The following NALF1 variants were observed in gnomAD, a reference collection of about 807,000 sequenced individuals.
The protein encoded by NALF1 is NALCN channel auxiliary factor 1, also known as family with sequence similarity 155 member A.
A neutral mutation model predicts 48.4 loss-of-function variants in NALF1; 3 were observed. The ratio of observed to expected loss-of-function variants is 0.06; its 90% CI spans 0.03 to 0.16. The LOEUF (loss-of-function observed/expected upper bound fraction) is 0.16. Among genes scored for constraint, NALF1 ranks in the 10% least tolerant of loss-of-function variants. NALF1 has a pLI of 1.00. For missense variants in NALF1, 526 were observed against 571.5 expected (o/e 0.92, Z 0.81); for synonymous variants, 262 against 245.7 (o/e 1.07, Z -0.62).
intron 1 of NALF1, among the ~76,000 whole-genome samples, chr13:107,267,974 T>C (rs1881076095): frequency 7.1e-6 from 1 of 140,940 alleles, no homozygotes; most frequent in Non-Finnish European, 1.5e-5. Flanking sequence ...GAATTGTTTT[T>C]TTCTGGAATT....
In NALF1 at chr13:107,704,191, C is replaced by T. The variant is rs80127079; in HGVS notation, c.915+161491G>A. Among the ~76,000 whole-genome samples the T allele has an allele frequency of 4.9e-3, 749 of 152,226 alleles. 6 individuals carry two copies. Among genetic ancestry groups the T allele is most frequent in the African/African-American group, 0.017 (714 of 41,546 alleles). ...AATTTTATTTTAGTGTACATTTGTGCGAGTTCCCCACTACCCTCTATTCAT... is the reference window on the plus strand; with the variant it reads ...AATTTTATTTTAGTGTACATTTGTGTGAGTTCCCCACTACCCTCTATTCAT... On this transcript the variant is annotated intron_variant, in intron 1 of 2. Transcript: ENST00000375915.
intron 1 of NALF1, among the ~76,000 whole-genome samples, chr13:107,576,538 T>C (rs9520497): frequency 0.39 from 59,463 of 152,078 alleles, 12,011 homozygotes; most frequent in South Asian, 0.53. Context: ...CATCAAAAAA[T>C]AGTTACCACT....
intron 1 of NALF1, among the ~76,000 whole-genome samples, chr13:107,691,393 T>TA (rs1206566667): frequency 6.6e-6 from 1 of 152,224 alleles, no homozygotes; most frequent in Non-Finnish European, 1.5e-5. Context: ...AGGAAACTGA[T>TA]AAAGTATCCC....
At chr13:107,295,961 G>A (rs888818808) in intron 1 of NALF1, among the ~76,000 whole-genome samples, 64 of 152,264 alleles carry the variant, frequency 4.2e-4, no homozygotes, top group African/African-American at 1.5e-3. Flanking sequence ...CCTTTAAAAT[G>A]CAAGAACTTA....
intron 1 of NALF1, among the ~76,000 whole-genome samples, chr13:107,343,644 T>C (rs1882722260): frequency 6.6e-6 from 1 of 152,122 alleles, no homozygotes; most frequent in South Asian, 2.1e-4. Flanking sequence ...TTCAGCAGCA[T>C]GAAAATGGAC....
At chr13:107,625,296 G>GAA (rs1238493397) in intron 1 of NALF1, among the ~76,000 whole-genome samples, 1 of 152,054 alleles carries the variant, frequency 6.6e-6, no homozygotes, top group African/African-American at 2.4e-5. Context: ...GGGGCTAAAC[G>GAA]AAAAGCACCT....
At chr13:107,712,828 G>A (rs1020525539) in intron 1 of NALF1, among the ~76,000 whole-genome samples, 18 of 152,194 alleles carry the variant, frequency 1.2e-4, no homozygotes, top group African/African-American at 4.3e-4. Context: ...CAGCTGCAGT[G>A]GTTTGATTCC....
At chr13:107,448,915 G>T (rs543510063) in intron 1 of NALF1, among the ~76,000 whole-genome samples, 1 of 152,176 alleles carries the variant, frequency 6.6e-6, no homozygotes, top group Non-Finnish European at 1.5e-5. Flanking sequence ...CAAATGCCAT[G>T]TAACTCTCCT....
chr13:107,516,781 G>C (rs931208779), intron 1 of NALF1, among the ~76,000 whole-genome samples: 2 of 152,100 alleles, frequency 1.3e-5, no homozygotes, highest in South Asian at 4.2e-4. Context: ...TGAATGTCTC[G>C]TGAGGGATTT....
intron 1 of NALF1, among the ~76,000 whole-genome samples, chr13:107,815,606 T>G (rs929033420): frequency 6.6e-6 from 1 of 152,124 alleles, no homozygotes; most frequent in African/African-American, 2.4e-5. Context: ...AGTCAGAGTT[T>G]CCATTTGACT....
chr13:107,645,394 G>C (rs1240339353), intron 1 of NALF1, among the ~76,000 whole-genome samples: 1 of 152,088 alleles, frequency 6.6e-6, no homozygotes, highest in African/African-American at 2.4e-5. Flanking sequence ...TTCATCCCCA[G>C]AATCTGTGAA....
chr13:107,283,068 C>T (rs921779741), intron 1 of NALF1, among the ~76,000 whole-genome samples: 1 of 152,050 alleles, frequency 6.6e-6, no homozygotes, highest in Non-Finnish European at 1.5e-5. Context: ...CGGACGGGAG[C>T]CCTAAGGAGT....
At chr13:107,714,604 G>A (rs1875694513) in intron 1 of NALF1, among the ~76,000 whole-genome samples, 2 of 135,330 alleles carry the variant, frequency 1.5e-5, no homozygotes, top group South Asian at 2.3e-4. Context: ...ACTCTAGCCT[G>A]GGTGACAGAG....
chr13:107,866,777 C>G lies in NALF1; in HGVS notation c.-181G>C. The G allele has an allele frequency of 1.7e-6, 1 of 599,168 alleles. No homozygotes were observed. Among genetic ancestry groups the G allele is most frequent in the East Asian group, 2.8e-5 (1 of 35,738 alleles). 37.1% of individuals were successfully genotyped at this position (599,168 alleles called of 1,614,324 possible). Reference sequence around the variant, plus strand: ...TCTCCTCTCTCTCTCTCTCCCTCTCCCTCTCTTTTATCTCTCTCTGTCTCT... The same window carrying G: ...TCTCCTCTCTCTCTCTCTCCCTCTCGCTCTCTTTTATCTCTCTCTGTCTCT... On this transcript the variant is annotated 5_prime_UTR_variant, in exon 1 of 3. Transcript: ENST00000375915. This position sits in a 1 kb window ranked among gnomAD's most constrained non-coding sequence, Gnocchi z 4.4.
intron 1 of NALF1, among the ~76,000 whole-genome samples, chr13:107,215,743 C>T (rs2138809979): frequency 6.6e-6 from 1 of 152,222 alleles, no homozygotes; most frequent in South Asian, 2.1e-4. Context: ...GGCAGGTGTG[C>T]TTGTGTGGTG....
At chr13:107,346,178 C>A (rs1393881876) in intron 1 of NALF1, among the ~76,000 whole-genome samples, 3 of 151,616 alleles carry the variant, frequency 2.0e-5, no homozygotes, top group Admixed American at 2.0e-4. Flanking sequence ...GGCGGGGGGG[C>A]AGATTGTAAA....
intron 2 of NALF1, among the ~76,000 whole-genome samples, chr13:107,209,036 C>T (rs1256520226): frequency 6.6e-6 from 1 of 152,210 alleles, no homozygotes; most frequent in Admixed American, 6.5e-5. Flanking sequence ...TTGCCCTTCT[C>T]TCTTATCTGT....
In NALF1 at chr13:107,201,144, ATATCTATC is replaced by A. The variant is rs57935710; in HGVS notation, c.1087+9432_1087+9439del. ...GTCTATGATATGTGCATGTACGTTG[ATATCTATC>A]TATCTATCTATCTATCATCTATCTA... On this transcript the variant is annotated intron_variant, in intron 2 of 2. Coordinates refer to ENST00000375915, the MANE Select transcript of NALF1 (RefSeq NM_001080396.3). Among the ~76,000 whole-genome samples the A allele has an allele frequency of 1.0e-4, 15 of 150,476 alleles. 1 individual carries two copies. In the South Asian group the frequency reaches 2.5e-3, roughly 25 times the overall value.
intron 1 of NALF1, among the ~76,000 whole-genome samples, chr13:107,417,361 C>A (rs1326329236): frequency 6.6e-6 from 1 of 152,160 alleles, no homozygotes; most frequent in Non-Finnish European, 1.5e-5. Flanking sequence ...CCACATCAGA[C>A]TTTCCAAGAG....
Sources: allele counts gnomAD v4.1 joint callset (sites outside exome capture counted in the v4.1 genomes callset), GRCh38; gene constraint gnomAD v4.1.1; non-coding constraint Gnocchi (gnomAD v3.1); transcripts MANE v1.5; gene names NCBI Gene and HGNC (gene_info 2026-07-23, HGNC 2026-07-21).